TNIK: variants seen among roughly 807,000 people sequenced by gnomAD.
TNIK encodes TRAF2 and NCK interacting kinase, also known as TRAF2 and NCK-interacting protein kinase.
TNIK carries 49 observed loss-of-function variants against 191.3 expected under a neutral mutation model. That is an observed-to-expected ratio of 0.26 (90% confidence interval 0.20 to 0.32). The LOEUF is 0.32. TNIK is among the 10% of genes least tolerant of loss of function. The pLI, the probability that TNIK is intolerant of heterozygous loss-of-function variation, is 1.00. For missense variants in TNIK, 1,155 were observed against 1,702.3 expected (o/e 0.68, Z 5.66); for synonymous variants, 594 against 600.9 (o/e 0.99, Z 0.17).
intron 2 of TNIK, among the ~76,000 whole-genome samples, chr3:171,261,253 C>T (rs1195223397): frequency 6.6e-6 from 1 of 152,212 alleles, no homozygotes; most frequent in African/African-American, 2.4e-5. Flanking sequence ...CACCTTTGCT[C>T]ATGCTGATTG....
intron 15 of TNIK, among the ~76,000 whole-genome samples, chr3:171,133,291 T>C (rs1011953188): frequency 6.6e-6 from 1 of 152,168 alleles, no homozygotes; most frequent in African/African-American, 2.4e-5. Context: ...AAAGTTGATA[T>C]AGGAAATAAA....
intron 2 of TNIK, among the ~76,000 whole-genome samples, chr3:171,356,774 T>G (rs963175127): frequency 2.0e-5 from 3 of 152,154 alleles, no homozygotes; most frequent in African/African-American, 7.2e-5. Context: ...AGACCTAAAT[T>G]TCTCTCCTTT....
chr3:171,200,597 G>A (rs555579052), intron 4 of TNIK, among the ~76,000 whole-genome samples: 1 of 152,102 alleles, frequency 6.6e-6, no homozygotes, highest in African/African-American at 2.4e-5. Context: ...TTAAGTAAAG[G>A]GTCCTCAGCC....
Position 171,059,561 on chromosome 3 carries a change from A to C in TNIK, c.*4320T>G, listed in dbSNP as rs559699384. ...ACAAATTGTCAGTTTTGAACTTGCA[A>C]ATTCTCAAGAGGTTTTCTTCTTTGC... On this transcript the variant is annotated 3_prime_UTR_variant, in exon 33 of 33. Transcript: ENST00000436636. Among the ~76,000 whole-genome samples, 2 of 152,148 alleles carry C rather than the reference A, an allele frequency of 1.3e-5. No homozygotes were observed. Among genetic ancestry groups the C allele is most frequent in the African/African-American group, 4.8e-5 (2 of 41,450 alleles).
intron 1 of TNIK, among the ~76,000 whole-genome samples, chr3:171,459,667 G>A (rs1364671455): frequency 1.3e-5 from 1 of 77,058 alleles, no homozygotes; most frequent in African/African-American, 4.9e-5. Flanking sequence ...ACAACTGCCC[G>A]GGGCGTGTAC....
intron 12 of TNIK, among the ~76,000 whole-genome samples, chr3:171,150,430 G>T (rs138006708): frequency 3.9e-5 from 6 of 152,274 alleles, no homozygotes; most frequent in Non-Finnish European, 7.4e-5. Flanking sequence ...TTTGGTGAAA[G>T]GGTCACTCGG....
Position 171,264,067 on chromosome 3 carries a change from TACACACACACACACACACACACACACAC to T in TNIK, c.124-35874_124-35847del, listed in dbSNP as rs760319253. 3.9e-3 allele frequency among the ~76,000 whole-genome samples: 429 copies of T among 110,810 alleles called. 1 individual carries two copies. The highest frequency in any genetic ancestry group is 8.5e-3 in the African/African-American group (264 of 31,108). The allele number at this position is 110,810 out of a possible 152,430, so 72.7% of individuals were successfully genotyped here. ...ATATGTGTGTGTGTATATATATACA[TACACACACACACACACACACACACACAC>T]ACACACACACACACACATATATATA... On this transcript the variant is annotated intron_variant, in intron 2 of 32. Transcript: ENST00000436636.
chr3:171,276,847 AAAC>A (rs1262863653), intron 2 of TNIK, among the ~76,000 whole-genome samples: 4 of 152,240 alleles, frequency 2.6e-5, no homozygotes, highest in African/African-American at 9.6e-5. Flanking sequence ...GAGAAACAAA[AAAC>A]AAATTATATC....
intron 2 of TNIK, among the ~76,000 whole-genome samples, chr3:171,356,713 A>G (rs1029947517): frequency 6.6e-6 from 1 of 152,232 alleles, no homozygotes; most frequent in African/African-American, 2.4e-5. Context: ...ATCAGGAGTC[A>G]TGCTCTACTA....
chr3:171,280,803 T>C (rs1261051325), intron 2 of TNIK, among the ~76,000 whole-genome samples: 1 of 152,208 alleles, frequency 6.6e-6, no homozygotes, highest in Non-Finnish European at 1.5e-5. Context: ...AAGACTATCC[T>C]GTTACCATAA....
chr3:171,267,162 G>T (rs1748498936), intron 2 of TNIK, among the ~76,000 whole-genome samples: 1 of 152,100 alleles, frequency 6.6e-6, no homozygotes, highest in Admixed American at 6.6e-5. Flanking sequence ...ACCATCTTAG[G>T]GTTATAGTAG....
chr3:171,422,565 T>C (rs1334959742), intron 1 of TNIK, among the ~76,000 whole-genome samples: 1 of 152,206 alleles, frequency 6.6e-6, no homozygotes, highest in Admixed American at 6.5e-5. Flanking sequence ...ATTTTTTAAA[T>C]ATTATCAAAA....
At chr3:171,322,801 T>C (rs979061442) in intron 2 of TNIK, among the ~76,000 whole-genome samples, 6 of 135,328 alleles carry the variant, frequency 4.4e-5, no homozygotes, top group Non-Finnish European at 9.4e-5. Flanking sequence ...TTGTTATTAG[T>C]GTTTTTTTTG....
Position 171,458,153 on chromosome 3 carries a change from C to A in TNIK, c.57+1854G>T, listed in dbSNP as rs1728988404. Among the ~76,000 whole-genome samples, 4 of 140,478 alleles carry A rather than the reference C, an allele frequency of 2.8e-5. No homozygotes were observed. The South Asian group carries it at 1.1e-3, about 38-fold the overall frequency. 92.2% of individuals were successfully genotyped at this position (140,478 alleles called of 152,430 possible). ...CCTTCCCCCTTTGCCACTTCCCGCC[C>A]CCCACCCCGACCTCCGACCGATTCG... On this transcript the variant is annotated intron_variant, in intron 1 of 32. Transcript: ENST00000436636.
intron 12 of TNIK, among the ~76,000 whole-genome samples, chr3:171,152,186 CA>C (rs890615639): frequency 4.6e-5 from 7 of 151,918 alleles, no homozygotes; most frequent in African/African-American, 1.5e-4. Context: ...ATGGCTGAGG[CA>C]TAAGGATTGC....
intron 2 of TNIK, among the ~76,000 whole-genome samples, chr3:171,351,142 C>T (rs1368619916): frequency 6.6e-6 from 1 of 152,054 alleles, no homozygotes; most frequent in Non-Finnish European, 1.5e-5. Flanking sequence ...TCACCCACCT[C>T]GGCCTCCCAA....
intron 2 of TNIK, among the ~76,000 whole-genome samples, chr3:171,355,779 C>T (rs1205054079): frequency 6.6e-6 from 1 of 152,178 alleles, no homozygotes; most frequent in Non-Finnish European, 1.5e-5. Flanking sequence ...AACTTGCAGT[C>T]ATGCAAATTA....
intron 2 of TNIK, among the ~76,000 whole-genome samples, chr3:171,273,063 G>C (rs61794362): frequency 0.2 from 30,894 of 152,176 alleles, 3,388 homozygotes; most frequent in South Asian, 0.25. Context: ...GGCCAGTGTG[G>C]CGCTCACACA....
intron 2 of TNIK, among the ~76,000 whole-genome samples, chr3:171,279,731 C>A (rs1460014591): frequency 1.3e-5 from 2 of 152,180 alleles, no homozygotes; most frequent in African/African-American, 4.8e-5. Context: ...AAGCATTTCA[C>A]ACCTATCATT....
Sources: gnomAD v4.1 joint callset for allele counts (sites outside exome capture counted in the v4.1 genomes callset) on GRCh38, gnomAD v4.1.1 for gene constraint, MANE v1.5 for transcripts, NCBI Gene and HGNC (gene_info 2026-07-23, HGNC 2026-07-21) for gene names.